The following CEP20 variants were observed in gnomAD, a reference collection of about 807,000 sequenced individuals.
The protein encoded by CEP20 is FGFR1OP N-terminal like.
A neutral mutation model predicts 20.0 loss-of-function variants in CEP20; 18 were observed. That is an observed-to-expected ratio of 0.90 (90% CI 0.62 to 1.34). The LOEUF is 1.34. Among genes scored for constraint, CEP20 ranks in the 40% most tolerant of loss-of-function variants. CEP20 has a pLI of 0.00. For synonymous variants in CEP20, 77 were observed against 73.7 expected, an observed-to-expected ratio of 1.04 and a Z score of -0.23; for missense variants, 215 against 201.6, an observed-to-expected ratio of 1.07 and a Z score of -0.40.
intron 3 of CEP20, among the ~76,000 whole-genome samples, chr16:15,877,965 C>A (rs1012275060): frequency 1.1e-4 from 17 of 151,678 alleles, no homozygotes; most frequent in African/African-American, 3.6e-4. Context: ...GAGGCTGAGG[C>A]AGAATCAGTT....
At position 15,867,334 on chromosome 16, in the gene CEP20, C is replaced by A; in HGVS notation, c.*106G>T. 1.3e-6 allele frequency: 1 copy of A among 773,738 alleles called. No homozygotes were observed. The highest frequency in any genetic ancestry group is 3.0e-5 in the East Asian group (1 of 33,798). The allele number at this position is 773,738 out of a possible 1,614,324, so 47.9% of individuals were successfully genotyped here. A position where few individuals can be genotyped will look rare whatever the true frequency, so the allele number is the denominator to read the frequency against. ...ACATGAGGGGTGTTTTGTAGAAACT[C>A]CAATTTCTACAAACATTAGTGGTGC... On this transcript the variant is annotated 3_prime_UTR_variant, in exon 5 of 5. Transcript: ENST00000255759.
intron 4 of CEP20, among the ~76,000 whole-genome samples, chr16:15,867,731 G>T (rs2044714360): frequency 6.6e-6 from 1 of 152,190 alleles, no homozygotes; most frequent in Non-Finnish European, 1.5e-5. Flanking sequence ...CCAGTACTTT[G>T]GGAGGCCGAG....
chr16:15,886,060 C>T (rs2045238778), intron 1 of CEP20: 1 of 152,202 alleles, frequency 6.6e-6, no homozygotes, highest in African/African-American at 2.4e-5. Flanking sequence ...CAGTAGGTGT[C>T]ACCTAGAAGG....
Position 15,879,866 on chromosome 16 carries a change from CG to C in CEP20, c.248del (p.Pro83ArgfsTer11), listed in dbSNP as rs778300077. 2.5e-6 allele frequency: 4 copies of C among 1,568,766 alleles called. No homozygotes were observed. The highest frequency in any genetic ancestry group is 2.1e-5 in the Admixed American group (1 of 47,316). ...CATGGATGAGAAACTGTCTGTCCAA[CG>C]GAACTACAGGTTGACCAGATTCTGG... is the stretch of plus-strand genomic sequence containing the variant. ...LIAESGQPVV[P>X]LDRQFLIHEL... On this transcript the variant is annotated frameshift_variant, in exon 3 of 5. Coordinates refer to ENST00000255759, the MANE Select transcript of CEP20 (RefSeq NM_144600.4). LOFTEE classifies it high-confidence loss of function.
chr16:15,877,115 G>A (rs2044972065), intron 3 of CEP20: 1 of 152,378 alleles, frequency 6.6e-6, no homozygotes. Flanking sequence ...GCCTCCCAAA[G>A]TGCTGAGATT....
At chr16:15,869,508 A>G (rs2151419641) in intron 4 of CEP20, among the ~76,000 whole-genome samples, 1 of 152,088 alleles carries the variant, frequency 6.6e-6, no homozygotes, top group African/African-American at 2.4e-5. Context: ...ACAGGGTTTC[A>G]CCATGTTGGC....
At chr16:15,868,450 C>T (rs770431403) in intron 4 of CEP20, among the ~76,000 whole-genome samples, 21 of 151,980 alleles carry the variant, frequency 1.4e-4, no homozygotes, top group Non-Finnish European at 2.9e-4. Flanking sequence ...AACCTAGAGA[C>T]TTAATATCCT....
chr16:15,881,191 C>T (rs12599942), intron 2 of CEP20, among the ~76,000 whole-genome samples: 10,526 of 152,006 alleles, frequency 0.069, 484 homozygotes, highest in East Asian at 0.22. Context: ...GACTAAAGTA[C>T]AGAACTGTAC....
intron 4 of CEP20, among the ~76,000 whole-genome samples, chr16:15,867,809 C>T (rs2044716155): frequency 6.6e-6 from 1 of 151,782 alleles, no homozygotes; most frequent in South Asian, 2.1e-4. Flanking sequence ...CCCGTGTCTC[C>T]TCAAAATACA....
chr16:15,867,327 AGAAACTCC>A lies in CEP20; in HGVS notation c.*105_*112del, dbSNP rs2044703972. The A allele has an allele frequency of 1.4e-6, 1 of 705,232 alleles. No homozygotes were observed. 43.7% of individuals were successfully genotyped at this position (705,232 alleles called of 1,614,324 possible). On this transcript the variant is annotated 3_prime_UTR_variant, in exon 5 of 5. Transcript: ENST00000255759. ...TAGTTAAACATGAGGGGTGTTTTGTAGAAACTCCAATTTCTACAAACATTAGTGGTGCA... is the reference window on the plus strand; with the variant it reads ...TAGTTAAACATGAGGGGTGTTTTGTAAATTTCTACAAACATTAGTGGTGCA...
At position 15,888,603 on chromosome 16, in the gene CEP20, G is replaced by A. The variant is rs781261407; in HGVS notation, c.-18C>T. Reference sequence around the variant, plus strand: ...GTCGCCATTTTTCAACGGCCGCCAGGGCCGCACCGCGGCCCTGCGCACGCG... The same window carrying A: ...GTCGCCATTTTTCAACGGCCGCCAGAGCCGCACCGCGGCCCTGCGCACGCG... On this transcript the variant is annotated 5_prime_UTR_variant, in exon 1 of 5. Transcript: ENST00000255759. 3 of 1,613,908 alleles carry A rather than the reference G, an allele frequency of 1.9e-6. No homozygotes were observed. The highest frequency in any genetic ancestry group is 1.7e-5 in the Admixed American group (1 of 60,012).
In CEP20 at chr16:15,881,740, A is replaced by G. The variant is rs571810863; in HGVS notation, c.227-1852T>C. Among the ~76,000 whole-genome samples, 35 of 152,232 alleles carry G rather than the reference A, an allele frequency of 2.3e-4. 1 individual carries two copies. In the South Asian group the frequency reaches 5.2e-3, roughly 23 times the overall value. On this transcript the variant is annotated intron_variant, in intron 2 of 4. Transcript: ENST00000255759. ...TCTCCTCACTTTTTTGAAAGAAGACATTTAAAAGTCAGCAGAAGATATTAA... is the reference window on the plus strand; with the variant it reads ...TCTCCTCACTTTTTTGAAAGAAGACGTTTAAAAGTCAGCAGAAGATATTAA...
chr16:15,887,005 C>T (rs1000156667), intron 1 of CEP20, among the ~76,000 whole-genome samples: 3 of 151,532 alleles, frequency 2.0e-5, no homozygotes, highest in Non-Finnish European at 4.4e-5. Flanking sequence ...CTCAAGCTAT[C>T]TTCCTGTTTC....
intron 1 of CEP20, among the ~76,000 whole-genome samples, 177 bp downstream of exon 1, chr16:15,888,381 G>A (rs1263903507): frequency 6.6e-6 from 1 of 152,172 alleles, no homozygotes; most frequent in East Asian, 1.9e-4. Context: ...TTCCCCATAA[G>A]AGCTCCCCGC....
chr16:15,883,972 G>C (rs758165865), intron 2 of CEP20, 36 bp downstream of exon 2: 2 of 1,547,758 alleles, frequency 1.3e-6, no homozygotes, highest in East Asian at 4.5e-5. Context: ...GGAAAGGGGA[G>C]AAACAGATTT....
rs1270113299 is a variant in CEP20 at position 15,879,905 on chromosome 16, C to T, written c.227-17G>A. On this transcript the variant is annotated splice_polypyrimidine_tract_variant and intron_variant, in intron 2 of 4. Coordinates refer to ENST00000255759, the MANE Select transcript of CEP20 (RefSeq NM_144600.4). ...GACCAGATTCTGGGAGAAATAAATT[C>T]ATGAGAACACTCAGTCTATTAAACT... 3.3e-6 allele frequency: 5 copies of T among 1,513,224 alleles called. No homozygotes were observed. The highest frequency in any genetic ancestry group is 4.5e-6 in the Non-Finnish European group (5 of 1,109,862). The allele number at this position is 1,513,224 out of a possible 1,614,324, so 93.7% of individuals were successfully genotyped here.
rs187248921 is a variant in CEP20, at chr16:15,884,015, G to A, written c.219C>T (p.Leu73=). The A allele has an allele frequency of 4.9e-5, 79 of 1,610,020 alleles. No individual in the cohort carries two copies. The highest frequency in any genetic ancestry group is 6.6e-5 in the Non-Finnish European group (78 of 1,176,940). The change falls in exon 2 of 5, where the codon CTC becomes CTT. Residue 73 remains leucine (L), a synonymous_variant. Transcript: ENST00000255759. Reference sequence around the variant, plus strand: ...TAAATAATAACCACTTACCTGCTATGAGGACAGATGCTGTATACTTATATT... The same window carrying A: ...TAAATAATAACCACTTACCTGCTATAAGGACAGATGCTGTATACTTATATT... ...FNKYKYTASV[L]IAESGQPVVP... is the part of the protein sequence containing the mutation.
chr16:15,885,682 C>G (rs1160277133), intron 1 of CEP20: 2 of 152,236 alleles, frequency 1.3e-5, no homozygotes, highest in Non-Finnish European at 2.9e-5. Context: ...TGAGCCACTG[C>G]GCCCACTGGC....
intron 3 of CEP20, among the ~76,000 whole-genome samples, chr16:15,876,692 T>C (rs1003326513): frequency 4.6e-5 from 7 of 152,210 alleles, no homozygotes; most frequent in African/African-American, 1.7e-4. Flanking sequence ...ACTGCAGATC[T>C]GTAAGTAAAT....
Sources: gnomAD v4.1 joint callset for allele counts (sites outside exome capture counted in the v4.1 genomes callset) on GRCh38, gnomAD v4.1.1 for gene constraint, MANE v1.5 for transcripts, NCBI Gene and HGNC (gene_info 2026-07-23, HGNC 2026-07-21) for gene names.